The following TRAF3 variants were observed in gnomAD, a reference collection of about 807,000 sequenced individuals.
TRAF3 encodes the protein TNF receptor associated factor 3.
A neutral mutation model predicts 62.3 loss-of-function variants in TRAF3; 13 were observed. The observed-to-expected ratio is 0.21, with a 90% confidence interval of 0.14 to 0.33. TRAF3 has a LOEUF of 0.33. Ranked by LOEUF, TRAF3 falls within the 10% of genes least tolerant of loss-of-function variation. TRAF3 has a pLI of 1.00. For missense variants in TRAF3, 440 were observed against 741.8 expected (o/e 0.59, Z 4.73); for synonymous variants, 269 against 283.4 (o/e 0.95, Z 0.51).
intron 6 of TRAF3, among the ~76,000 whole-genome samples, chr14:102,882,087 A>G (rs1208717108): frequency 6.6e-6 from 1 of 152,224 alleles, no homozygotes; most frequent in Non-Finnish European, 1.5e-5. Flanking sequence ...TGGGACTGTA[A>G]TATTAATAAC....
chr14:102,905,196 C>G lies in TRAF3; in HGVS notation c.1136-17C>G, dbSNP rs1890527703. ...GTTCACCTGTCTCATTCACCAAACCCTCCTCACCTGTGGCAGGCCTGCTGG... is the reference window on the plus strand; with the variant it reads ...GTTCACCTGTCTCATTCACCAAACCGTCCTCACCTGTGGCAGGCCTGCTGG... On this transcript the variant is annotated splice_polypyrimidine_tract_variant and intron_variant, in intron 11 of 11. Transcript: ENST00000392745. 1.9e-6 allele frequency: 3 copies of G among 1,612,238 alleles called. No individual in the cohort carries two copies. The highest frequency in any genetic ancestry group is 2.5e-6 in the Non-Finnish European group (3 of 1,179,786).
intron 9 of TRAF3, among the ~76,000 whole-genome samples, chr14:102,896,188 C>CT (rs1448583288): frequency 5.9e-5 from 9 of 152,188 alleles, no homozygotes. Flanking sequence ...CCCCAGCAGT[C>CT]TTGAAACACA....
chr14:102,887,669 A>G (rs1345827120), intron 7 of TRAF3, among the ~76,000 whole-genome samples: 3 of 151,516 alleles, frequency 2.0e-5, no homozygotes, highest in Non-Finnish European at 2.9e-5. Context: ...ATCTCGGCTC[A>G]GTGCATGCTC....
intron 2 of TRAF3, among the ~76,000 whole-genome samples, chr14:102,845,131 C>T (rs1002109527): frequency 1.3e-5 from 2 of 151,880 alleles, no homozygotes; most frequent in Non-Finnish European, 2.9e-5. Context: ...CTCCTGACCT[C>T]GTGATCCACC....
intron 6 of TRAF3, among the ~76,000 whole-genome samples, chr14:102,882,094 T>C (rs1889103104): frequency 6.6e-6 from 1 of 152,198 alleles, no homozygotes; most frequent in South Asian, 2.1e-4. Flanking sequence ...GTAATATTAA[T>C]AACATGCCAA....
At chr14:102,876,821 A>G (rs2139860650) in intron 6 of TRAF3, 1 of 420,068 alleles carries the variant, frequency 2.4e-6, no homozygotes, top group South Asian at 2.1e-5. Context: ...ATTCGTAGAT[A>G]ATCCATTCCA....
At chr14:102,895,419 T>C (rs1815465196) in intron 9 of TRAF3, among the ~76,000 whole-genome samples, 1 of 152,372 alleles carries the variant, frequency 6.6e-6, no homozygotes, top group Admixed American at 6.5e-5. Flanking sequence ...AGGACACCCA[T>C]CTTTAGGCTG....
chr14:102,798,904 G>A (rs536383404), intron 1 of TRAF3, among the ~76,000 whole-genome samples: 1 of 152,300 alleles, frequency 6.6e-6, no homozygotes, highest in Admixed American at 6.5e-5. Context: ...AGTCTGGAAC[G>A]TGACACTTTA....
intron 2 of TRAF3, among the ~76,000 whole-genome samples, chr14:102,846,816 A>G (rs997058652): frequency 6.6e-6 from 1 of 152,128 alleles, no homozygotes; most frequent in Non-Finnish European, 1.5e-5. Flanking sequence ...ATGCTGCGTC[A>G]ACAAATCAAA....
At chr14:102,799,077 C>T (rs1052113047) in intron 1 of TRAF3, among the ~76,000 whole-genome samples, 1 of 152,132 alleles carries the variant, frequency 6.6e-6, no homozygotes, top group Non-Finnish European at 1.5e-5. Context: ...GGCTGGGGTA[C>T]ATACATGTCA....
chr14:102,833,732 C>A (rs907794152), intron 2 of TRAF3, among the ~76,000 whole-genome samples: 1 of 152,188 alleles, frequency 6.6e-6, no homozygotes, highest in Non-Finnish European at 1.5e-5. Flanking sequence ...CGGTGGCTCA[C>A]GCTTGTAATC....
At chr14:102,858,418 G>T (rs1887501810) in intron 2 of TRAF3, among the ~76,000 whole-genome samples, 1 of 152,166 alleles carries the variant, frequency 6.6e-6, no homozygotes, top group African/African-American at 2.4e-5. Flanking sequence ...CTCCCAAAGT[G>T]CTGGGATTAC....
intron 1 of TRAF3, among the ~76,000 whole-genome samples, chr14:102,793,902 T>C (rs761990853): frequency 3.3e-5 from 5 of 152,238 alleles, no homozygotes; most frequent in Non-Finnish European, 7.3e-5. Flanking sequence ...AGGGCTCAGC[T>C]GGGTGATTCT....
chr14:102,858,169 C>CAA (rs1887483358), intron 2 of TRAF3, among the ~76,000 whole-genome samples: 1 of 126,554 alleles, frequency 7.9e-6, no homozygotes, highest in African/African-American at 3.1e-5. Context: ...TTTTTTTTTT[C>CAA]TTGAGACAGT....
intron 4 of TRAF3, 79 bp downstream of exon 4, chr14:102,872,047 C>G: frequency 2.8e-6 from 4 of 1,451,192 alleles, no homozygotes; most frequent in Non-Finnish European, 3.9e-6. Flanking sequence ...GCATTCGGCA[C>G]TCTGGCACAA....
intron 10 of TRAF3, 61 bp downstream of exon 10, chr14:102,897,462 A>T: frequency 1.2e-6 from 2 of 1,601,308 alleles, no homozygotes; most frequent in Admixed American, 3.4e-5. Flanking sequence ...TGTTCCCCTT[A>T]AGGGTTTCTT....
intron 1 of TRAF3, among the ~76,000 whole-genome samples, chr14:102,817,882 A>T (rs1899633411): frequency 6.6e-6 from 1 of 152,192 alleles, no homozygotes. Flanking sequence ...TTTGAGATTC[A>T]CTTGCCTATT....
chr14:102,822,929 C>T (rs750380778), intron 1 of TRAF3, among the ~76,000 whole-genome samples: 9 of 151,898 alleles, frequency 5.9e-5, no homozygotes, highest in Non-Finnish European at 1.3e-4. Flanking sequence ...TTGCTTGAAC[C>T]CGGGAGGCAG....
chr14:102,837,420 C>T (rs569767709), intron 2 of TRAF3, among the ~76,000 whole-genome samples: 1 of 152,108 alleles, frequency 6.6e-6, no homozygotes, highest in Non-Finnish European at 1.5e-5. Flanking sequence ...GCTGGGATTA[C>T]AGGTGTGAGC....
Sources: gnomAD v4.1 joint callset for allele counts (sites outside exome capture counted in the v4.1 genomes callset) on GRCh38, gnomAD v4.1.1 for gene constraint, MANE v1.5 for transcripts, NCBI Gene and HGNC (gene_info 2026-07-23, HGNC 2026-07-21) for gene names.